The following SP100 variants were observed in gnomAD, a reference collection of about 807,000 sequenced individuals.
SP100 encodes the protein nuclear autoantigen Sp-100.
Under a neutral mutation model 130.0 loss-of-function variants are expected in SP100, and 84 were observed. That is an observed-to-expected ratio of 0.65 (90% CI 0.54 to 0.77). SP100 has a LOEUF of 0.77. SP100 is among the 30% of genes least tolerant of loss of function. The pLI, the probability that SP100 is intolerant of heterozygous loss-of-function variation, is 0.00. For missense variants in SP100, 978 were observed against 1,052.2 expected, an observed-to-expected ratio of 0.93 and a Z score of 0.97; for synonymous variants, 331 against 351.7, an observed-to-expected ratio of 0.94 and a Z score of 0.66.
intron 24 of SP100, among the ~76,000 whole-genome samples, chr2:230,512,008 G>A (rs557971605): frequency 8.6e-5 from 13 of 151,636 alleles, no homozygotes; most frequent in African/African-American, 1.9e-4. Context: ...CCAGGACTAC[G>A]GGTGCATGCC....
At chr2:230,441,540 G>A (rs1379214512) in intron 2 of SP100, among the ~76,000 whole-genome samples, 1 of 152,108 alleles carries the variant, frequency 6.6e-6, no homozygotes, top group East Asian at 1.9e-4. Flanking sequence ...TTCACACAAT[G>A]GAATGCCACT....
intron 25 of SP100, among the ~76,000 whole-genome samples, chr2:230,539,886 G>A (rs1692098251): frequency 1.3e-5 from 2 of 152,148 alleles, no homozygotes; most frequent in African/African-American, 2.4e-5. Context: ...GTGATGGTGT[G>A]CAGGATACCA....
At chr2:230,529,030 C>T (rs1691569956) in intron 24 of SP100, among the ~76,000 whole-genome samples, 1 of 152,186 alleles carries the variant, frequency 6.6e-6, no homozygotes, top group South Asian at 2.1e-4. Context: ...CCTTCTGAAA[C>T]TATTTCAATC....
intron 24 of SP100, among the ~76,000 whole-genome samples, chr2:230,536,530 A>ATTAC (rs1243717503): frequency 6.6e-6 from 1 of 152,142 alleles, no homozygotes; most frequent in Non-Finnish European, 1.5e-5. Context: ...AACTCACCAG[A>ATTAC]TTACTGTATT....
At position 230,444,293 on chromosome 2, in the gene SP100, T is replaced by A. The variant is rs1421650800; in HGVS notation, c.386T>A (p.Val129Asp). ...GTTCTGGAAGCACTGTTCAGCGATG[T>A]CAACATGCAGGAATACCCCGATTTA... The part of the protein sequence containing the change: ...LPVLEALFSD[V>D]NMQEYPDLIH... The change falls in exon 4 of 29, where the codon GTC becomes GAC. Residue 129 changes from valine (V) to aspartate (D), a missense_variant. Coordinates refer to ENST00000340126, the MANE Select transcript of SP100 (RefSeq NM_001080391.2). The A allele has an allele frequency of 6.2e-7, 1 of 1,613,996 alleles. No homozygotes were observed. The highest frequency in any genetic ancestry group is 1.1e-5 in the South Asian group (1 of 91,054).
chr2:230,432,515 A>G (rs2063129866), intron 2 of SP100, among the ~76,000 whole-genome samples: 1 of 152,208 alleles, frequency 6.6e-6, no homozygotes, highest in Non-Finnish European at 1.5e-5. Flanking sequence ...AAGTTTTGCT[A>G]AAATTTGTTA....
chr2:230,491,159 G>T (rs1422459407), intron 17 of SP100, among the ~76,000 whole-genome samples: 1 of 152,176 alleles, frequency 6.6e-6, no homozygotes, highest in Admixed American at 6.5e-5. Context: ...TTTCTTGGAG[G>T]CTTTATTCAA....
At chr2:230,514,915 C>A in intron 24 of SP100, 3 of 1,013,882 alleles carry the variant, frequency 3.0e-6, no homozygotes, top group Non-Finnish European at 4.1e-6. Flanking sequence ...GTCAAAAAAC[C>A]TACAAGAGAT....
intron 2 of SP100, among the ~76,000 whole-genome samples, chr2:230,423,659 C>A (rs2062837736): frequency 6.6e-6 from 1 of 152,186 alleles, no homozygotes; most frequent in African/African-American, 2.4e-5. Context: ...CATGAATGTT[C>A]ATCTCTGTGC....
chr2:230,420,200 G>A (rs1002043425), intron 2 of SP100, among the ~76,000 whole-genome samples: 1 of 152,094 alleles, frequency 6.6e-6, no homozygotes, highest in Non-Finnish European at 1.5e-5. Context: ...TTTCTTGCTG[G>A]CATAAGGGAA....
At chr2:230,482,459 C>T (rs1377870967) in intron 17 of SP100, among the ~76,000 whole-genome samples, 1 of 152,078 alleles carries the variant, frequency 6.6e-6, no homozygotes, top group Non-Finnish European at 1.5e-5. Flanking sequence ...CTTGTGATCA[C>T]TTGAAAAATA....
intron 19 of SP100, among the ~76,000 whole-genome samples, chr2:230,502,108 C>A (rs189527548): frequency 3.4e-4 from 51 of 151,746 alleles, no homozygotes; most frequent in African/African-American, 1.2e-3. Context: ...GAACTCCTGA[C>A]CTCAGCCTCA....
intron 17 of SP100, among the ~76,000 whole-genome samples, chr2:230,491,501 A>C (rs1044843309): frequency 1.5e-4 from 23 of 152,214 alleles, no homozygotes; most frequent in African/African-American, 5.1e-4. Flanking sequence ...GGACCAAGCC[A>C]TCCAGCCTCC....
intron 10 of SP100, 101 bp downstream of exon 10, chr2:230,462,619 T>C (rs2064717946): frequency 1.8e-5 from 15 of 851,760 alleles, no homozygotes; most frequent in Non-Finnish European, 2.8e-5. Flanking sequence ...GTACAATGGA[T>C]CCAGTTTATC....
At chr2:230,438,639 GTA>G (rs142300655) in intron 2 of SP100, among the ~76,000 whole-genome samples, 12,889 of 135,048 alleles carry the variant, frequency 0.095, 675 homozygotes, top group Middle Eastern at 0.19. Context: ...ACTCCATGGT[GTA>G]TATATATACA....
At chr2:230,468,531 G>A (rs971411109) in intron 13 of SP100, among the ~76,000 whole-genome samples, 6 of 152,002 alleles carry the variant, frequency 3.9e-5, no homozygotes, top group African/African-American at 1.4e-4. Context: ...GAGGCCAGGT[G>A]TGGTGGCTCA....
At chr2:230,471,447 G>A (rs2065260099) in intron 15 of SP100, among the ~76,000 whole-genome samples, 1 of 152,120 alleles carries the variant, frequency 6.6e-6, no homozygotes. Flanking sequence ...TGTCTTCATT[G>A]TCCTGTGAAT....
chr2:230,545,577 G>A lies in SP100; in HGVS notation c.*2631G>A, dbSNP rs948708221. On this transcript the variant is annotated 3_prime_UTR_variant, in exon 29 of 29. Transcript: ENST00000340126. Reference sequence around the variant, plus strand: ...AAAGTTTTTTTAATTGTAAATAAATGGATCATTAAAAAAAATTTTAATAAT... The same window carrying A: ...AAAGTTTTTTTAATTGTAAATAAATAGATCATTAAAAAAAATTTTAATAAT... Among the ~76,000 whole-genome samples the A allele has an allele frequency of 1.3e-5, 2 of 151,556 alleles. No individual in the cohort carries two copies. The highest frequency in any genetic ancestry group is 4.8e-5 in the African/African-American group (2 of 41,244).
intron 15 of SP100, among the ~76,000 whole-genome samples, chr2:230,472,360 A>G (rs1289180072): frequency 9.1e-5 from 13 of 143,212 alleles, no homozygotes; most frequent in Non-Finnish European, 1.9e-4. Context: ...CCTTGGAGGC[A>G]GGTCTTGCAG....
Sources: allele counts gnomAD v4.1 joint callset (sites outside exome capture counted in the v4.1 genomes callset), GRCh38; gene constraint gnomAD v4.1.1; transcripts MANE v1.5; gene names NCBI Gene and HGNC (gene_info 2026-07-23, HGNC 2026-07-21).